Variants in PCGF6 observed in about 807,000 individuals in gnomAD.
PCGF6 encodes the protein polycomb group ring finger 6, also known as polycomb group RING finger protein 6.
A neutral mutation model predicts 45.5 loss-of-function variants in PCGF6; 24 were observed. The observed-to-expected ratio is 0.53, with a 90% CI of 0.38 to 0.74. The LOEUF is 0.74. Ranked by LOEUF, PCGF6 falls within the 30% of genes least tolerant of loss-of-function variation. The probability of loss-of-function intolerance (pLI) is 0.00; values close to 1 mark genes in which losing one functional copy is unlikely to be tolerated. For missense variants in PCGF6, 356 were observed against 443.2 expected (o/e 0.80, Z 1.77); for synonymous variants, 152 against 162.1 (o/e 0.94, Z 0.47).
Position 103,351,044 on chromosome 10 carries a change from G to T in PCGF6, c.23C>A (p.Thr8Lys), listed in dbSNP as rs768431972. The T allele has an allele frequency of 7.2e-7, 1 of 1,389,920 alleles. No homozygotes were observed. Among genetic ancestry groups the T allele is most frequent in the Non-Finnish European group, 9.3e-7 (1 of 1,071,572 alleles). The allele number at this position is 1,389,920 out of a possible 1,614,324, so 86.1% of individuals were successfully genotyped here. ...TTTGGCAGCGCCTACGCTGCCCGCCGTCACCACCGCGACCCCCTCCATGGT... is the reference window on the plus strand; with the variant it reads ...TTTGGCAGCGCCTACGCTGCCCGCCTTCACCACCGCGACCCCCTCCATGGT... The part of the protein sequence containing the change: MEGVAVV[T>K]AGSVGAAKTE... Residue 8 changes from threonine to lysine, a missense_variant, in exon 1 of 10, where the codon ACG becomes AAG. Transcript: ENST00000369847.
chr10:103,319,769 A>T (rs1669424008), intron 8 of PCGF6, among the ~76,000 whole-genome samples: 2 of 152,190 alleles, frequency 1.3e-5, no homozygotes, highest in South Asian at 4.1e-4. Context: ...AACTAAATTT[A>T]ATAGAAGGCT....
At chr10:103,338,477 G>A (rs373084595) in intron 6 of PCGF6, among the ~76,000 whole-genome samples, 3 of 147,940 alleles carry the variant, frequency 2.0e-5, no homozygotes, top group South Asian at 2.2e-4. Context: ...CCCGGGAGGC[G>A]GAGCTTGCAG....
chr10:103,339,838 C>A (rs1200962439), intron 6 of PCGF6, among the ~76,000 whole-genome samples: 9 of 138,468 alleles, frequency 6.5e-5, no homozygotes, highest in South Asian at 2.3e-4. Context: ...CACACACACA[C>A]ACACACACAC....
intron 6 of PCGF6, among the ~76,000 whole-genome samples, chr10:103,336,737 T>C (rs1564732185): frequency 6.6e-6 from 1 of 152,098 alleles, no homozygotes; most frequent in Non-Finnish European, 1.5e-5. Context: ...TAGCCAGGTG[T>C]GTTGGCACAT....
chr10:103,338,771 G>A (rs1406248263), intron 6 of PCGF6, among the ~76,000 whole-genome samples: 1 of 151,940 alleles, frequency 6.6e-6, no homozygotes, highest in Non-Finnish European at 1.5e-5. Flanking sequence ...GGGAGGCTAA[G>A]GCAGGAGAAT....
At position 103,348,888 on chromosome 10, in the gene PCGF6, C is replaced by T. The variant is rs373201875; in HGVS notation, c.460+12G>A. The T allele has an allele frequency of 1.0e-4, 160 of 1,605,342 alleles. No homozygotes were observed. The highest frequency in any genetic ancestry group is 4.5e-5 in the East Asian group (2 of 44,848). ...CTGAAAAATTATTCAGAAATGTGAT[C>T]GGTATGCTTACAGGTATGAAGACAT... On this transcript the variant is annotated intron_variant, in intron 2 of 9. Coordinates refer to ENST00000369847, the MANE Select transcript of PCGF6 (RefSeq NM_001011663.2).
chr10:103,347,213 C>G, intron 5 of PCGF6, 25 bp downstream of exon 5: 1 of 1,536,274 alleles, frequency 6.5e-7, no homozygotes, highest in Non-Finnish European at 9.0e-7. Context: ...TCTGTAAGTA[C>G]ATTATAGTAT....
rs148324210 is a variant in PCGF6 at position 103,327,439 on chromosome 10, A to T, written c.811-807T>A. On this transcript the variant is annotated intron_variant, in intron 7 of 9. Transcript: ENST00000369847. Reference sequence around the variant, plus strand: ...GGACCTTACTGAATCCTGATTGAAAAACTATCAACAATTTTCAGGGGACAA... The same window carrying T: ...GGACCTTACTGAATCCTGATTGAAATACTATCAACAATTTTCAGGGGACAA... Among the ~76,000 whole-genome samples the T allele has an allele frequency of 3.6e-3, 550 of 152,312 alleles. 4 individuals carry two copies. The highest frequency in any genetic ancestry group is 0.011 in the South Asian group (53 of 4,826).
At chr10:103,335,491 T>C (rs950670036) in intron 6 of PCGF6, among the ~76,000 whole-genome samples, 2 of 151,836 alleles carry the variant, frequency 1.3e-5, no homozygotes, top group African/African-American at 2.4e-5. Flanking sequence ...GCCTCCCGAA[T>C]AGGTGGGACT....
In PCGF6 at chr10:103,339,811, ACACACACAC is replaced by A. The variant is rs1192102773; in HGVS notation, c.782+5204_782+5212del. Reference sequence around the variant, plus strand: ...AAATTCTGTCTGTCTCAAAAAAAAAACACACACACACACACACACACACACACACACACA... The same window carrying A: ...AAATTCTGTCTGTCTCAAAAAAAAAAACACACACACACACACACACACACA... On this transcript the variant is annotated intron_variant, in intron 6 of 9. Coordinates refer to ENST00000369847, the MANE Select transcript of PCGF6 (RefSeq NM_001011663.2). Among the ~76,000 whole-genome samples, 448 of 45,008 alleles carry A rather than the reference ACACACACAC, an allele frequency of 1.0e-2. 33 individuals carry two copies. The highest frequency in any genetic ancestry group is 0.043 in the East Asian group (83 of 1,930). 29.5% of individuals were successfully genotyped at this position (45,008 alleles called of 152,430 possible). A position where few individuals can be genotyped will look rare whatever the true frequency, so the allele number is the denominator to read the frequency against.
In PCGF6 at chr10:103,351,107, C is replaced by G. The variant is rs774266896; in HGVS notation, c.-41G>C. Reference sequence around the variant, plus strand: ...CAGGCGAGGCGAGGCGGCGGGAGAGCGCGGGAGTTCGGCCGGCCTCGGACG... The same window carrying G: ...CAGGCGAGGCGAGGCGGCGGGAGAGGGCGGGAGTTCGGCCGGCCTCGGACG... On this transcript the variant is annotated 5_prime_UTR_variant, in exon 1 of 10. Transcript: ENST00000369847. 3.7e-6 allele frequency: 5 copies of G among 1,336,540 alleles called. No individual in the cohort carries two copies. Among genetic ancestry groups the G allele is most frequent in the Admixed American group, 3.0e-5 (1 of 32,988 alleles). 82.8% of individuals were successfully genotyped at this position (1,336,540 alleles called of 1,614,324 possible). A position where few individuals can be genotyped will look rare whatever the true frequency, so the allele number is the denominator to read the frequency against.
chr10:103,319,855 T>C (rs187482675), intron 8 of PCGF6, among the ~76,000 whole-genome samples: 11 of 152,178 alleles, frequency 7.2e-5, no homozygotes, highest in Admixed American at 3.9e-4. Context: ...CGCCAGGCTG[T>C]AGTGCAGTGG....
At chr10:103,313,189 A>G (rs2093163522) in intron 9 of PCGF6, among the ~76,000 whole-genome samples, 1 of 152,232 alleles carries the variant, frequency 6.6e-6, no homozygotes, top group Admixed American at 6.5e-5. Context: ...AAGAAAAGCT[A>G]TGTGAATCTC....
intron 9 of PCGF6, among the ~76,000 whole-genome samples, chr10:103,304,466 G>A (rs892621643): frequency 2.0e-5 from 3 of 151,862 alleles, no homozygotes; most frequent in African/African-American, 4.8e-5. Flanking sequence ...TCAGCCTACC[G>A]AGTAGCTGCA....
intron 8 of PCGF6, among the ~76,000 whole-genome samples, chr10:103,318,473 G>A (rs570331393): frequency 1.6e-4 from 24 of 151,300 alleles, no homozygotes; most frequent in Non-Finnish European, 3.1e-4. Context: ...GTGCGGGTGC[G>A]GTGGCGCACA....
intron 7 of PCGF6, among the ~76,000 whole-genome samples, chr10:103,329,981 G>A (rs1385961100): frequency 6.9e-6 from 1 of 145,688 alleles, no homozygotes; most frequent in Non-Finnish European, 1.5e-5. Context: ...GTGTTAGCCA[G>A]GATGGTATCG....
At chr10:103,341,434 T>G (rs1467483050) in intron 6 of PCGF6, among the ~76,000 whole-genome samples, 1 of 150,772 alleles carries the variant, frequency 6.6e-6, no homozygotes, top group Non-Finnish European at 1.5e-5. Context: ...TTTTTGTATT[T>G]TTTGTTTGTT....
intron 1 of PCGF6, among the ~76,000 whole-genome samples, chr10:103,349,204 C>T (rs1328551589): frequency 1.3e-5 from 2 of 151,752 alleles, no homozygotes; most frequent in African/African-American, 2.4e-5. Context: ...CGCACAACCA[C>T]GCCTGGCTAA....
chr10:103,347,852 GGT>G (rs1320320955), intron 3 of PCGF6, among the ~76,000 whole-genome samples: 3 of 152,138 alleles, frequency 2.0e-5, no homozygotes, highest in Non-Finnish European at 4.4e-5. Flanking sequence ...CACCACGCCT[GGT>G]TAATTTGATT....
Sources: gnomAD v4.1 joint callset for allele counts (sites outside exome capture counted in the v4.1 genomes callset) on GRCh38, gnomAD v4.1.1 for gene constraint, MANE v1.5 for transcripts, NCBI Gene and HGNC (gene_info 2026-07-23, HGNC 2026-07-21) for gene names.